The following CYRIB variants were observed in gnomAD, a reference collection of about 807,000 sequenced individuals.
CYRIB encodes the protein CYFIP-related Rac1 interactor B.
In CYRIB, 8 loss-of-function variants were observed where a neutral mutation model predicts 44.2. That is an observed-to-expected ratio of 0.18 (90% CI 0.11 to 0.33). The LOEUF is 0.33. CYRIB is among the 10% of genes least tolerant of loss of function. The probability of loss-of-function intolerance (pLI) is 1.00; values close to 1 mark genes in which losing one functional copy is unlikely to be tolerated. For missense variants in CYRIB, 185 were observed against 382.8 expected (o/e 0.48, Z 4.31); for synonymous variants, 131 against 127.2 (o/e 1.03, Z -0.20).
At chr8:129,860,553 C>A (rs2048828620) in intron 5 of CYRIB, among the ~76,000 whole-genome samples, 1 of 152,144 alleles carries the variant, frequency 6.6e-6, no homozygotes, top group African/African-American at 2.4e-5. Context: ...TACAATATTT[C>A]TATCCAAACT....
intron 3 of CYRIB, among the ~76,000 whole-genome samples, chr8:129,875,932 G>A (rs1476298565): frequency 6.6e-6 from 1 of 152,002 alleles, no homozygotes; most frequent in Non-Finnish European, 1.5e-5. Context: ...TGGCCAACAT[G>A]GTGAAACCCC....
intron 1 of CYRIB, among the ~76,000 whole-genome samples, chr8:129,924,306 T>A (rs1034779769): frequency 3.9e-4 from 2 of 5,172 alleles, no homozygotes; most frequent in African/African-American, 1.8e-3. Context: ...GGGGGGGGGG[T>A]GGCGGGGGGG....
chr8:129,919,174 TA>T (rs1392689436), intron 1 of CYRIB, among the ~76,000 whole-genome samples: 2 of 152,154 alleles, frequency 1.3e-5, no homozygotes, highest in Non-Finnish European at 2.9e-5. Context: ...AGCCTACAGA[TA>T]GATATAGTTT....
At chr8:129,954,923 A>T (rs2094713144) in intron 2 of CYRIB, among the ~76,000 whole-genome samples, 2 of 152,134 alleles carry the variant, frequency 1.3e-5, no homozygotes, top group African/African-American at 4.8e-5. Context: ...TACACACAAC[A>T]CACAAATCTC....
chr8:129,998,994 C>G lies in CYRIB; in HGVS notation c.-296+17376G>C, dbSNP rs549185305. On this transcript the variant is annotated intron_variant, in intron 1 of 14. Transcript: ENST00000401979. ...AGGAAGCTCATCTTTAATTCAGCGC[C>G]GACAATCCTCAGCTCAGCTCAAACT... Among the ~76,000 whole-genome samples, 3 of 152,232 alleles carry G rather than the reference C, an allele frequency of 2.0e-5. No homozygotes were observed. The South Asian group carries it at 6.2e-4, about 32-fold the overall frequency.
At chr8:129,990,692 C>T (rs1427286210) in intron 1 of CYRIB, among the ~76,000 whole-genome samples, 1 of 151,792 alleles carries the variant, frequency 6.6e-6, no homozygotes, top group African/African-American at 2.4e-5. Context: ...TAGCTAATTT[C>T]CTTTTTGTTT....
chr8:129,905,011 A>C (rs1407476800), intron 1 of CYRIB, among the ~76,000 whole-genome samples: 1 of 152,186 alleles, frequency 6.6e-6, no homozygotes, highest in Non-Finnish European at 1.5e-5. Context: ...TATCCATGTA[A>C]AACAGATTTT....
intron 2 of CYRIB, among the ~76,000 whole-genome samples, chr8:129,888,174 T>C (rs1170223354): frequency 4.6e-5 from 7 of 152,164 alleles, no homozygotes; most frequent in Non-Finnish European, 8.8e-5. Context: ...GCTGTTGTGA[T>C]AGTGAGTTCT....
chr8:129,986,572 A>G (rs2096462628), intron 1 of CYRIB, among the ~76,000 whole-genome samples: 1 of 152,040 alleles, frequency 6.6e-6, no homozygotes, highest in Admixed American at 6.6e-5. Flanking sequence ...TGGGATTGGG[A>G]CTGGTGGCTT....
intron 2 of CYRIB, among the ~76,000 whole-genome samples, chr8:129,884,082 C>T (rs10095752): frequency 0.015 from 2,217 of 152,146 alleles, 46 homozygotes; most frequent in African/African-American, 0.047. Flanking sequence ...GTCCTGGAGT[C>T]ATTAATTTCC....
intron 5 of CYRIB, among the ~76,000 whole-genome samples, chr8:129,857,056 C>A (rs1438385511): frequency 6.6e-6 from 1 of 152,194 alleles, no homozygotes; most frequent in Non-Finnish European, 1.5e-5. Context: ...TATTTCTTCA[C>A]AGACATTATT....
At chr8:129,882,673 A>G (rs775724847) in intron 2 of CYRIB, among the ~76,000 whole-genome samples, 13 of 152,078 alleles carry the variant, frequency 8.5e-5, no homozygotes, top group Admixed American at 2.0e-4. Context: ...AACCTTGGGG[A>G]AAATTTTGGA....
exon 12 of CYRIB, chr8:129,840,967 G>GTTGA (rs2036024592): frequency 6.6e-6 from 1 of 152,180 alleles, no homozygotes; most frequent in Non-Finnish European, 1.5e-5. Flanking sequence ...CACTGGCATG[G>GTTGA]TTGAACTAGA....
chr8:129,992,054 G>A (rs927297651), intron 1 of CYRIB, among the ~76,000 whole-genome samples: 1 of 149,126 alleles, frequency 6.7e-6, no homozygotes, highest in Non-Finnish European at 1.5e-5. Context: ...GGTGGTTCAC[G>A]CCCGTAATCC....
chr8:129,879,416 C>T (rs2060150484), exon 3 of CYRIB: 1 of 1,611,954 alleles, frequency 6.2e-7, no homozygotes, highest in African/African-American at 1.3e-5. Flanking sequence ...AAATTTGGCC[C>T]CTGCTCAAGG....
At chr8:130,006,119 A>G (rs1260944185) in intron 1 of CYRIB, among the ~76,000 whole-genome samples, 1 of 152,116 alleles carries the variant, frequency 6.6e-6, no homozygotes, top group Non-Finnish European at 1.5e-5. Context: ...CCTGGCCAAC[A>G]TGGTAAAATA....
Position 129,908,952 on chromosome 8 carries a change from A to T in CYRIB, c.-49-5602T>A, listed in dbSNP as rs77519872. ...TACATTCTTTTTTTATAAAGATTTT[A>T]AAAAAATGTTTTTAAATAAAATAGA... On this transcript the variant is annotated intron_variant, in intron 1 of 11. Transcript: ENST00000519824. Among the ~76,000 whole-genome samples the T allele has an allele frequency of 7.5e-3, 762 of 101,668 alleles. 9 individuals are homozygous for T. The highest frequency in any genetic ancestry group is 0.019 in the African/African-American group (574 of 30,284). The allele number at this position is 101,668 out of a possible 152,430, so 66.7% of individuals were successfully genotyped here.
chr8:129,854,959 G>A (rs2045398306), intron 6 of CYRIB, among the ~76,000 whole-genome samples: 1 of 151,266 alleles, frequency 6.6e-6, no homozygotes. Flanking sequence ...CAATGACAGA[G>A]GAAAAAAGAA....
intron 8 of CYRIB, chr8:129,851,504 T>C (rs1159403521): frequency 6.6e-6 from 1 of 152,282 alleles, no homozygotes; most frequent in Non-Finnish European, 1.5e-5. Context: ...GGGAGTGAGG[T>C]ATAGAAAGGA....
Sources: gnomAD v4.1 joint callset for allele counts (sites outside exome capture counted in the v4.1 genomes callset) on GRCh38, gnomAD v4.1.1 for gene constraint, MANE v1.5 for transcripts, NCBI Gene and HGNC (gene_info 2026-07-23, HGNC 2026-07-21) for gene names.